The following CHD1 variants were observed in gnomAD, a reference collection of about 807,000 sequenced individuals.
The protein encoded by CHD1 is chromodomain helicase DNA binding protein 1.
Under a neutral mutation model 224.2 loss-of-function variants are expected in CHD1, and 36 were observed. The ratio of observed to expected loss-of-function variants is 0.16; its 90% CI spans 0.12 to 0.21. The LOEUF (loss-of-function observed/expected upper bound fraction) is 0.21, where lower values mean the gene tolerates loss of function less well. Among genes scored for constraint, CHD1 ranks in the 10% least tolerant of loss-of-function variants. CHD1 has a pLI of 1.00. For synonymous variants in CHD1, 668 were observed against 658.3 expected (o/e 1.01, Z -0.23); for missense variants, 1,378 against 1,994.8 (o/e 0.69, Z 5.89).
rs184755269 is a variant in CHD1, at chr5:98,909,193, G to A, written c.54-4095C>T. 6.6e-5 allele frequency among the ~76,000 whole-genome samples: 10 copies of A among 152,090 alleles called. No homozygotes were observed. The East Asian group carries it at 1.9e-3, about 29-fold the overall frequency. Reference sequence around the variant, plus strand: ...CACTGAATATTAAATATCCAATCAGGCTATCCCTTTAGTCTCATAATTGTT... The same window carrying A: ...CACTGAATATTAAATATCCAATCAGACTATCCCTTTAGTCTCATAATTGTT... On this transcript the variant is annotated intron_variant, in intron 2 of 35. Coordinates refer to ENST00000614616, the MANE Select transcript of CHD1 (RefSeq NM_001270.4).
intron 2 of CHD1, among the ~76,000 whole-genome samples, chr5:98,911,176 T>TATATATATAGAGAG (rs1561540185): frequency 2.4e-5 from 3 of 122,952 alleles, no homozygotes; most frequent in Non-Finnish European, 5.1e-5. Flanking sequence ...TATATATATA[T>TATATATATAGAGAG]AGAGGCATGT....
intron 19 of CHD1, 101 bp from the exon 20 acceptor site, chr5:98,882,224 A>G (rs1438733187): frequency 1.0e-6 from 1 of 990,848 alleles, no homozygotes; most frequent in Non-Finnish European, 1.5e-6. Flanking sequence ...CTCATTCTAT[A>G]TGAAGTTTTC....
chr5:98,891,906 T>G (rs546868148), intron 15 of CHD1, among the ~76,000 whole-genome samples: 1 of 152,368 alleles, frequency 6.6e-6, no homozygotes, highest in East Asian at 1.9e-4. Context: ...GTCTGACATC[T>G]TCCATAATAA....
Position 98,856,059 on chromosome 5 carries a change from C to T in CHD1, c.*321G>A, listed in dbSNP as rs1747997382. The T allele has an allele frequency of 5.6e-6, 1 of 177,896 alleles. No homozygotes were observed. The highest frequency in any genetic ancestry group is 1.4e-4 in the South Asian group (1 of 7,248). The allele number at this position is 177,896 out of a possible 1,614,324, so 11.0% of individuals were successfully genotyped here. Reference sequence around the variant, plus strand: ...ATTTAAATGGAGGTCAGTCTAAAATCACTGACTTAAAAACAGTTTTATCCA... The same window carrying T: ...ATTTAAATGGAGGTCAGTCTAAAATTACTGACTTAAAAACAGTTTTATCCA... On this transcript the variant is annotated 3_prime_UTR_variant, in exon 36 of 36. Coordinates refer to ENST00000614616, the MANE Select transcript of CHD1 (RefSeq NM_001270.4).
intron 18 of CHD1, among the ~76,000 whole-genome samples, chr5:98,885,074 C>T (rs1431851477): frequency 6.6e-6 from 1 of 151,976 alleles, no homozygotes; most frequent in South Asian, 2.1e-4. Flanking sequence ...CTGTTCCATG[C>T]TGAAACATTA....
At position 98,856,266 on chromosome 5, in the gene CHD1, C is replaced by A; in HGVS notation, c.*114G>T. 1 of 703,256 alleles carries A rather than the reference C, an allele frequency of 1.4e-6. No homozygotes were observed. Among genetic ancestry groups the A allele is most frequent in the South Asian group, 1.9e-5 (1 of 53,094 alleles). The allele number at this position is 703,256 out of a possible 1,614,324, so 43.6% of individuals were successfully genotyped here. On this transcript the variant is annotated 3_prime_UTR_variant, in exon 36 of 36. Transcript: ENST00000614616. ...TGCATCCTGGAAAGAAGTAACAATA[C>A]TGCTACTGATAGAAGATCTGTTTAT...
At chr5:98,857,137 T>C (rs1441921299) in intron 35 of CHD1, among the ~76,000 whole-genome samples, 1 of 152,142 alleles carries the variant, frequency 6.6e-6, no homozygotes, top group Non-Finnish European at 1.5e-5. Context: ...AATGCTAGAA[T>C]GCAGTCTATG....
intron 29 of CHD1, 113 bp from the exon 30 acceptor site, chr5:98,869,995 T>G: frequency 2.7e-6 from 2 of 734,222 alleles, no homozygotes; most frequent in Non-Finnish European, 4.4e-6. Flanking sequence ...CTTAGTCTAT[T>G]GGTAATAAGC....
At chr5:98,900,669 G>A (rs1267249507) in intron 7 of CHD1, 142 bp downstream of exon 7, 4 of 681,860 alleles carry the variant, frequency 5.9e-6, no homozygotes, top group Non-Finnish European at 9.8e-6. Flanking sequence ...TAGAACTCCT[G>A]ACCTCAGGTC....
Position 98,870,700 on chromosome 5 carries a change from GCTT to G in CHD1, c.3962_3964del (p.Glu1321del), listed in dbSNP as rs1749267162. 6.3e-7 allele frequency: 1 copy of G among 1,594,312 alleles called. No individual in the cohort carries two copies. Among genetic ancestry groups the G allele is most frequent in the African/African-American group, 1.3e-5 (1 of 74,180 alleles). On this transcript the variant is annotated inframe_deletion, in exon 29 of 36. Coordinates refer to ENST00000614616, the MANE Select transcript of CHD1 (RefSeq NM_001270.4). Reference sequence around the variant, plus strand: ...GCTTTAACTTACCGCACCAGAAAGAGCTTCTTTTTTTGCAAGATCTCTACTAAG... The same window carrying G: ...GCTTTAACTTACCGCACCAGAAAGAGCTTTTTTTGCAAGATCTCTACTAAG...
intron 23 of CHD1, 78 bp from the exon 24 acceptor site, chr5:98,876,636 G>A: frequency 9.0e-6 from 11 of 1,216,784 alleles, no homozygotes; most frequent in Middle Eastern, 2.0e-4. Context: ...TATAAAAGAT[G>A]GTCGGAATCT....
At chr5:98,903,965 G>T (rs1353870715) in intron 3 of CHD1, 57 bp from the exon 4 acceptor site, 3 of 1,096,658 alleles carry the variant, frequency 2.7e-6, no homozygotes, top group East Asian at 2.6e-5. Flanking sequence ...TGCAAAAAAA[G>T]GTTAATTTAT....
chr5:98,915,894 T>A (rs547865404), intron 2 of CHD1, among the ~76,000 whole-genome samples: 1 of 152,298 alleles, frequency 6.6e-6, no homozygotes, highest in Admixed American at 6.5e-5. Flanking sequence ...AATGCCTACA[T>A]TTAAAAGTTC....
chr5:98,911,848 T>C (rs1752444188), intron 2 of CHD1, among the ~76,000 whole-genome samples: 1 of 152,142 alleles, frequency 6.6e-6, no homozygotes, highest in Admixed American at 6.5e-5. Flanking sequence ...CTGTCCAGAA[T>C]GAAGGAGATT....
intron 2 of CHD1, among the ~76,000 whole-genome samples, chr5:98,907,526 T>G (rs886397893): frequency 1.4e-5 from 2 of 142,828 alleles, no homozygotes; most frequent in African/African-American, 2.7e-5. Context: ...AGGCGGAGGT[T>G]GCAGTGAGCC....
chr5:98,859,144 T>C, intron 33 of CHD1, 129 bp from the exon 34 acceptor site: 3 of 594,156 alleles, frequency 5.0e-6, no homozygotes, highest in South Asian at 2.5e-5. Flanking sequence ...TATGTGTGTA[T>C]ATATACATGT....
At chr5:98,910,234 T>C (rs1451811500) in intron 2 of CHD1, among the ~76,000 whole-genome samples, 1 of 152,176 alleles carries the variant, frequency 6.6e-6, no homozygotes. Flanking sequence ...GTTGAGTTGG[T>C]TGCAAATGGC....
At chr5:98,865,585 A>C (rs1416412762) in intron 31 of CHD1, among the ~76,000 whole-genome samples, 1 of 152,164 alleles carries the variant, frequency 6.6e-6, no homozygotes, top group African/African-American at 2.4e-5. Context: ...CTGACCTCAG[A>C]CTCTGCTCTT....
At chr5:98,920,413 G>A (rs1206241818) in intron 2 of CHD1, among the ~76,000 whole-genome samples, 1 of 152,140 alleles carries the variant, frequency 6.6e-6, no homozygotes, top group African/African-American at 2.4e-5. Flanking sequence ...AATGTCATGA[G>A]GATAACATGT....
Sources: gnomAD v4.1 joint callset for allele counts (sites outside exome capture counted in the v4.1 genomes callset) on GRCh38, gnomAD v4.1.1 for gene constraint, MANE v1.5 for transcripts, NCBI Gene and HGNC (gene_info 2026-07-23, HGNC 2026-07-21) for gene names.